Variants in HS1BP3 observed in about 807,000 individuals in gnomAD.
HS1BP3 encodes the protein HCLS1 binding protein 3.
HS1BP3 carries 32 observed loss-of-function variants against 33.5 expected under a neutral mutation model. The ratio of observed to expected loss-of-function variants is 0.95; its 90% CI spans 0.72 to 1.28. HS1BP3 has a LOEUF of 1.28. HS1BP3 is among the 50% of genes most tolerant of loss of function. The pLI is 0.00. For missense variants in HS1BP3, 486 were observed against 502.3 expected (o/e 0.97, Z 0.31); for synonymous variants, 187 against 209.2 (o/e 0.89, Z 0.92).
At chr2:20,588,914 G>A (rs1170426994), downstream of HS1BP3, among the ~76,000 whole-genome samples, 1 of 152,210 alleles carries the variant, frequency 6.6e-6, no homozygotes, top group Non-Finnish European at 1.5e-5. Context: ...CCCGGGGGAG[G>A]GCTGCCAGGT....
chr2:20,633,572 G>A (rs752732343), intron 4 of HS1BP3, among the ~76,000 whole-genome samples: 1 of 152,164 alleles, frequency 6.6e-6, no homozygotes, highest in African/African-American at 2.4e-5. Context: ...GCCCAGGCTG[G>A]AGTGCAGTGG....
intron 6 of HS1BP3, 120 bp downstream of exon 6, chr2:20,623,776 A>G: frequency 8.4e-7 from 1 of 1,188,850 alleles, no homozygotes; most frequent in Non-Finnish European, 1.1e-6. Context: ...TCTACTTTTC[A>G]CAGGCCTGGG....
At chr2:20,616,824 A>G (rs1694437183), downstream of HS1BP3, among the ~76,000 whole-genome samples, 1 of 152,062 alleles carries the variant, frequency 6.6e-6, no homozygotes, top group South Asian at 2.1e-4. Flanking sequence ...CATCACTAAC[A>G]CAGGCTGGAA....
At chr2:20,578,680 C>T (rs1299376048) in intron 5 of HS1BP3, among the ~76,000 whole-genome samples, 10 of 152,166 alleles carry the variant, frequency 6.6e-5, no homozygotes, top group African/African-American at 9.7e-5. Flanking sequence ...GAGGGCTGGC[C>T]ATGGGTGAGG....
intron 1 of HS1BP3, 75 bp from the exon 2 acceptor site, chr2:20,645,580 CT>C: frequency 6.9e-7 from 1 of 1,454,944 alleles, no homozygotes; most frequent in Non-Finnish European, 9.2e-7. Context: ...CAGGCAGGGC[CT>C]CTGGGTGCCT....
At chr2:20,597,969 T>C (rs1187733791) in intron 3 of HS1BP3, among the ~76,000 whole-genome samples, 2 of 152,066 alleles carry the variant, frequency 1.3e-5, no homozygotes, top group Admixed American at 1.3e-4. Context: ...TCAGCCCTGG[T>C]GAGGAGGGAC....
intron 6 of HS1BP3, among the ~76,000 whole-genome samples, chr2:20,619,790 T>C (rs1430773476): frequency 6.6e-6 from 1 of 152,134 alleles, no homozygotes; most frequent in East Asian, 1.9e-4. Flanking sequence ...CATCGGCCCT[T>C]AGAAGCTGAG....
rs114670588 is a variant in HS1BP3 at position 20,565,140 on chromosome 2, G to T, written c.303-4625C>A. Among the ~76,000 whole-genome samples the T allele has an allele frequency of 5.6e-3, 847 of 152,336 alleles. 3 individuals are homozygous for T. The highest frequency in any genetic ancestry group is 8.9e-3 in the Non-Finnish European group (608 of 68,026). ...AGTCTCTGTGGGAAGACACAAAATTGTGGCTCAGTTAGCCAGCAAAGACCT... is the reference window on the plus strand; with the variant it reads ...AGTCTCTGTGGGAAGACACAAAATTTTGGCTCAGTTAGCCAGCAAAGACCT... On this transcript the variant is annotated intron_variant, in intron 5 of 5. Coordinates refer to the HS1BP3 transcript ENST00000446825.
Position 20,618,611 on chromosome 2 carries a change from G to A in HS1BP3, c.*376C>T. ...GTTTGGGTCTGTGCTGGGGCTGGCA[G>A]AACCCGTGGGCATGAAGCTTCCCTG... On this transcript the variant is annotated 3_prime_UTR_variant, in exon 7 of 7. Transcript: ENST00000304031. 3.7e-6 allele frequency: 3 copies of A among 808,848 alleles called. No homozygotes were observed. Among genetic ancestry groups the A allele is most frequent in the East Asian group, 8.3e-5 (1 of 12,028 alleles). The allele number at this position is 808,848 out of a possible 1,614,324, so 50.1% of individuals were successfully genotyped here.
At chr2:20,578,447 C>T (rs552616452) in intron 5 of HS1BP3, among the ~76,000 whole-genome samples, 71 of 152,356 alleles carry the variant, frequency 4.7e-4, no homozygotes, top group Non-Finnish European at 9.8e-4. Context: ...CAGCTGAGGG[C>T]AGTGATGACA....
intron 4 of HS1BP3, chr2:20,638,036 G>A (rs530476307): frequency 1.2e-4 from 42 of 348,792 alleles, no homozygotes; most frequent in Non-Finnish European, 1.9e-4. Flanking sequence ...CTCCTGCTAT[G>A]CAGATGATGC....
intron 5 of HS1BP3, among the ~76,000 whole-genome samples, chr2:20,575,760 ACCC>A (rs58267147): frequency 0.043 from 6,334 of 148,278 alleles, 190 homozygotes; most frequent in African/African-American, 0.094. Context: ...CCTTGGTTCC[ACCC>A]CCCCCCCCCC....
chr2:20,636,834 A>C (rs1017164158), intron 4 of HS1BP3: 33 of 152,262 alleles, frequency 2.2e-4, no homozygotes, highest in African/African-American at 7.7e-4. Context: ...CCAGCATTTC[A>C]TAAACTCTCA....
At chr2:20,560,675 G>C (rs1344937783) in intron 5 of HS1BP3, among the ~76,000 whole-genome samples, 2 of 152,154 alleles carry the variant, frequency 1.3e-5, no homozygotes, top group African/African-American at 4.8e-5. Flanking sequence ...GGCCCAGAGA[G>C]AAGGGACTCA....
In HS1BP3 at chr2:20,605,755, C is replaced by T. The variant is rs530248175; in HGVS notation, c.179-7490G>A. 2.8e-4 allele frequency among the ~76,000 whole-genome samples: 42 copies of T among 152,344 alleles called. 1 individual carries two copies. Among genetic ancestry groups the T allele is most frequent in the African/African-American group, 9.9e-4 (41 of 41,568 alleles). ...GGTTCATCCATGTCCTAGTGTGTGTCAGCACTTCTTGTACTAATACTTTAG... is the reference window on the plus strand; with the variant it reads ...GGTTCATCCATGTCCTAGTGTGTGTTAGCACTTCTTGTACTAATACTTTAG... On this transcript the variant is annotated intron_variant, in intron 2 of 3. Coordinates refer to the HS1BP3 transcript ENST00000415264.
At chr2:20,642,632 C>T (rs752233708) in intron 2 of HS1BP3, among the ~76,000 whole-genome samples, 2 of 152,228 alleles carry the variant, frequency 1.3e-5, no homozygotes, top group African/African-American at 4.8e-5. Flanking sequence ...TATCCAGGCT[C>T]GGGGAACCTC....
chr2:20,631,503 T>A (rs1694965919), intron 4 of HS1BP3, among the ~76,000 whole-genome samples: 3 of 73,716 alleles, frequency 4.1e-5, no homozygotes, highest in African/African-American at 5.7e-5. Context: ...GGTAAAAGAG[T>A]AAGAACCTGT....
In HS1BP3 at chr2:20,619,330, C is replaced by T. The variant is rs548640375; in HGVS notation, c.921-85G>A. 63 of 1,221,314 alleles carry T rather than the reference C, an allele frequency of 5.2e-5. No individual in the cohort carries two copies. In the African/African-American group the frequency reaches 6.0e-4, roughly 12 times the overall value. 75.7% of individuals were successfully genotyped at this position (1,221,314 alleles called of 1,614,324 possible). ...ACCCCAGGCAATGCCAGTGCCCACACGGGGCTGGGCAGCGGCAGGGAGCCC... is the reference window on the plus strand; with the variant it reads ...ACCCCAGGCAATGCCAGTGCCCACATGGGGCTGGGCAGCGGCAGGGAGCCC... On this transcript the variant is annotated intron_variant, in intron 6 of 6. Coordinates refer to ENST00000304031, the MANE Select transcript of HS1BP3 (RefSeq NM_022460.4).
chr2:20,598,025 C>G (rs115977539), intron 3 of HS1BP3, among the ~76,000 whole-genome samples: 291 of 152,220 alleles, frequency 1.9e-3, no homozygotes, highest in African/African-American at 6.6e-3. Flanking sequence ...GGGGTCAGGT[C>G]CCCTACTTCA....
Sources: allele counts gnomAD v4.1 joint callset (sites outside exome capture counted in the v4.1 genomes callset), GRCh38; gene constraint gnomAD v4.1.1; transcripts MANE v1.5; gene names NCBI Gene and HGNC (gene_info 2026-07-23, HGNC 2026-07-21).